DOP1B: variants seen among roughly 807,000 people sequenced by gnomAD.
The protein encoded by DOP1B is protein DOP1B.
DOP1B carries 174 observed loss-of-function variants against 233.5 expected under a neutral mutation model. The observed-to-expected ratio is 0.75, with a 90% confidence interval of 0.66 to 0.85. DOP1B has a LOEUF of 0.85. DOP1B is among the 40% of genes least tolerant of loss of function. DOP1B has a pLI of 0.00. For synonymous variants in DOP1B, 1,190 were observed against 1,185.6 expected, an observed-to-expected ratio of 1.00 and a Z score of -0.08; for missense variants, 2,652 against 2,846.6, an observed-to-expected ratio of 0.93 and a Z score of 1.56.
Position 36,187,546 on chromosome 21 carries a change from C to T in DOP1B, c.139-11524C>T, listed in dbSNP as rs529818434. 2.0e-4 allele frequency among the ~76,000 whole-genome samples: 31 copies of T among 152,224 alleles called. No homozygotes were observed. In the East Asian group the frequency reaches 5.6e-3, roughly 28 times the overall value. ...TCCCAACCTCAGGTGATCCGCCTTC[C>T]TTTGCCTCCCAAAGTGCTGGGATTA... On this transcript the variant is annotated intron_variant, in intron 2 of 36. Transcript: ENST00000691173.
intron 5 of DOP1B, 31 bp from the exon 6 acceptor site, chr21:36,211,522 G>A: frequency 6.2e-7 from 1 of 1,601,268 alleles, no homozygotes; most frequent in Non-Finnish European, 8.6e-7. Context: ...AGAGTAGCCT[G>A]AAAATGCTAG....
chr21:36,201,466 G>A (rs377094786), intron 4 of DOP1B, among the ~76,000 whole-genome samples: 1 of 146,860 alleles, frequency 6.8e-6, no homozygotes, highest in East Asian at 2.0e-4. Flanking sequence ...TCCCGCCGCA[G>A]CCTCCCAAGT....
At position 36,287,357 on chromosome 21, in the gene DOP1B, G is replaced by A. The variant is rs543841442; in HGVS notation, c.6161-657G>A. 2.7e-3 allele frequency among the ~76,000 whole-genome samples: 417 copies of A among 152,168 alleles called. 3 individuals carry two copies. The highest frequency in any genetic ancestry group is 8.7e-3 in the African/African-American group (361 of 41,526). ...TCCATTCCTCACCATGGGCTGCTTGGTTTCTGCGTCTCCTCATTCATATTC... is the reference window on the plus strand; with the variant it reads ...TCCATTCCTCACCATGGGCTGCTTGATTTCTGCGTCTCCTCATTCATATTC... On this transcript the variant is annotated intron_variant, in intron 32 of 36. Coordinates refer to ENST00000691173, the MANE Select transcript of DOP1B (RefSeq NM_001320714.2).
Position 36,251,204 on chromosome 21 carries a change from G to T in DOP1B, c.5041G>T (p.Ala1681Ser). Residue 1681 changes from alanine (A) to serine (S), a missense_variant, in exon 22 of 37, where the codon GCC (alanine) becomes TCC (serine). Ala to Ser is a moderately conservative substitution (Grantham distance 99). Coordinates refer to ENST00000691173, the MANE Select transcript of DOP1B (RefSeq NM_001320714.2). ...KILDFLNPLT[A>S]HLGVQLTAAV... Reference sequence around the variant, plus strand: ...TTTAGACTTCTTAAACCCCTTGACGGCCCATCTTGGGGTTCAGTTGACAGC... The same window carrying T: ...TTTAGACTTCTTAAACCCCTTGACGTCCCATCTTGGGGTTCAGTTGACAGC... 1 of 1,613,974 alleles carries T rather than the reference G, an allele frequency of 6.2e-7. No homozygotes were observed. The highest frequency in any genetic ancestry group is 8.5e-7 in the Non-Finnish European group (1 of 1,179,992).
chr21:36,238,678 A>G lies in DOP1B; in HGVS notation c.2853A>G (p.Thr951=). Residue 951 remains threonine (T), a synonymous_variant, in exon 17 of 37, where the codon ACA becomes ACG. Transcript: ENST00000691173. Reference sequence around the variant, plus strand: ...GAGAGATCCAAGGCAGTCGAGTAACATCTCACAATCGCTCCTTTGATAGGT... The same window carrying G: ...GAGAGATCCAAGGCAGTCGAGTAACGTCTCACAATCGCTCCTTTGATAGGT... ...LTREIQGSRV[T]SHNRSFDRSL... 1 of 1,614,238 alleles carries G rather than the reference A, an allele frequency of 6.2e-7. No homozygotes were observed. The highest frequency in any genetic ancestry group is 8.5e-7 in the Non-Finnish European group (1 of 1,180,046).
intron 36 of DOP1B, among the ~76,000 whole-genome samples, chr21:36,292,573 C>T (rs1449086957): frequency 1.3e-5 from 2 of 151,460 alleles, no homozygotes; most frequent in African/African-American, 4.8e-5. Flanking sequence ...CAGGCGCACG[C>T]CACCATGCCT....
At chr21:36,169,730 C>G in intron 2 of DOP1B, 1 of 1,040,354 alleles carries the variant, frequency 9.6e-7, no homozygotes, top group Non-Finnish European at 1.5e-6. Flanking sequence ...CCTCATGCTG[C>G]TGAAGTCTTC....
intron 15 of DOP1B, among the ~76,000 whole-genome samples, chr21:36,234,276 G>A (rs1206971098): frequency 1.3e-5 from 2 of 152,164 alleles, no homozygotes; most frequent in African/African-American, 2.4e-5. Context: ...GATTAAGCAA[G>A]TGTCATCTTG....
intron 27 of DOP1B, among the ~76,000 whole-genome samples, chr21:36,275,617 T>TG (rs2067341248): frequency 1.1e-5 from 1 of 94,490 alleles, no homozygotes; most frequent in African/African-American, 4.2e-5. Flanking sequence ...AGAACTTGTC[T>TG]CAAAAAAAAA....
intron 22 of DOP1B, among the ~76,000 whole-genome samples, chr21:36,252,474 A>AT (rs1350282928): frequency 6.6e-6 from 1 of 150,656 alleles, no homozygotes; most frequent in East Asian, 1.9e-4. Context: ...AAAAAAAAAA[A>AT]GGAAATTACA....
At chr21:36,272,709 G>T (rs1310393728) in intron 27 of DOP1B, among the ~76,000 whole-genome samples, 1 of 151,172 alleles carries the variant, frequency 6.6e-6, no homozygotes, top group Non-Finnish European at 1.5e-5. Flanking sequence ...CTCAGGCCGG[G>T]CGCGGTGGCT....
At chr21:36,257,943 ATAGATGTAGGTAGATGTAGGTAGGTAGG>A (rs201027455) in intron 23 of DOP1B, among the ~76,000 whole-genome samples, 21,290 of 150,352 alleles carry the variant, frequency 0.14, 1,623 homozygotes, top group South Asian at 0.26. Flanking sequence ...AGATAGGGAG[ATAGATGTAGGTAGATGTAGGTAGGTAGG>A]TAGATGTAGG....
chr21:36,193,238 A>C (rs1005009995), intron 2 of DOP1B, among the ~76,000 whole-genome samples: 2 of 152,224 alleles, frequency 1.3e-5, no homozygotes, highest in African/African-American at 4.8e-5. Flanking sequence ...TTTACATGGC[A>C]TGAGAGCCTT....
intron 2 of DOP1B, among the ~76,000 whole-genome samples, chr21:36,193,359 G>T (rs989281685): frequency 2.0e-5 from 3 of 152,142 alleles, no homozygotes; most frequent in African/African-American, 7.2e-5. Context: ...GATGATTCAG[G>T]AATACCCCGG....
chr21:36,220,390 T>A (rs1336288988), intron 10 of DOP1B, among the ~76,000 whole-genome samples: 4 of 152,230 alleles, frequency 2.6e-5, no homozygotes, highest in African/African-American at 9.6e-5. Flanking sequence ...CCATAAAACA[T>A]TTTTACTTCT....
intron 2 of DOP1B, chr21:36,169,168 C>A: frequency 9.8e-7 from 1 of 1,020,136 alleles, no homozygotes; most frequent in Non-Finnish European, 1.5e-6. Context: ...TCTTGGTTCC[C>A]ACCACACAGC....
At chr21:36,293,142 G>T (rs2146263672) in intron 36 of DOP1B, among the ~76,000 whole-genome samples, 178 bp from the exon 37 acceptor site, 1 of 151,466 alleles carries the variant, frequency 6.6e-6, no homozygotes, top group Non-Finnish European at 1.5e-5. Flanking sequence ...GGAGACAGAG[G>T]TTGCAGTGAG....
Position 36,237,389 on chromosome 21 carries a change from G to T in DOP1B, c.2750G>T (p.Cys917Phe). The change falls in exon 16 of 37, where the codon TGC becomes TTC. Residue 917 changes from cysteine (C) to phenylalanine (F), a missense_variant. Coordinates refer to ENST00000691173, the MANE Select transcript of DOP1B (RefSeq NM_001320714.2). ...PTANICEDII[C>F]HALLDPDKGT... Reference sequence around the variant, plus strand: ...GCCAACATCTGCGAGGACATCATCTGCCATGCCCTCCTGGACCCTGACAAG... The same window carrying T: ...GCCAACATCTGCGAGGACATCATCTTCCATGCCCTCCTGGACCCTGACAAG... 1.2e-6 allele frequency: 2 copies of T among 1,614,120 alleles called. No individual in the cohort carries two copies. Among genetic ancestry groups the T allele is most frequent in the Non-Finnish European group, 1.7e-6 (2 of 1,180,032 alleles).
At chr21:36,270,551 T>TTA (rs1569063490) in intron 27 of DOP1B, among the ~76,000 whole-genome samples, 308 of 18,878 alleles carry the variant, frequency 0.016, 5 homozygotes, top group African/African-American at 0.063. Flanking sequence ...AGACTCCGTC[T>TTA]CAAAAAAAAA....
Sources: gnomAD v4.1 joint callset for allele counts (sites outside exome capture counted in the v4.1 genomes callset) on GRCh38, gnomAD v4.1.1 for gene constraint, MANE v1.5 for transcripts, NCBI Gene and HGNC (gene_info 2026-07-23, HGNC 2026-07-21) for gene names.